PHACTR1: variants seen among roughly 807,000 people sequenced by gnomAD.
PHACTR1 encodes the protein phosphatase and actin regulator 1, also known as RPEL repeat containing 1.
PHACTR1 carries 16 observed loss-of-function variants against 69.2 expected under a neutral mutation model. The observed-to-expected ratio is 0.23, with a 90% CI of 0.16 to 0.35. The LOEUF is 0.35. Among genes scored for constraint, PHACTR1 ranks in the 10% least tolerant of loss-of-function variants. PHACTR1 has a pLI of 1.00. For missense variants in PHACTR1, 510 were observed against 734.7 expected, an observed-to-expected ratio of 0.69 and a Z score of 3.54; for synonymous variants, 312 against 284.5, an observed-to-expected ratio of 1.10 and a Z score of -0.97.
At chr6:13,013,881 G>A (rs1425652430) in intron 4 of PHACTR1, among the ~76,000 whole-genome samples, 1 of 148,996 alleles carries the variant, frequency 6.7e-6, no homozygotes, top group Non-Finnish European at 1.5e-5. Context: ...GGCGCCCGGG[G>A]GCCGGATGGC....
chr6:12,984,068 G>A (rs1795841786), intron 4 of PHACTR1, among the ~76,000 whole-genome samples: 1 of 152,150 alleles, frequency 6.6e-6, no homozygotes, highest in African/African-American at 2.4e-5. Flanking sequence ...ACCCAGTAAT[G>A]GGATGGCTGG....
intron 4 of PHACTR1, among the ~76,000 whole-genome samples, chr6:12,960,713 C>A (rs1056939474): frequency 6.6e-6 from 1 of 152,140 alleles, no homozygotes; most frequent in Non-Finnish European, 1.5e-5. Context: ...TGTGATTCTG[C>A]CCTTTTCTCA....
chr6:13,121,859 A>C (rs1818789935), intron 5 of PHACTR1, among the ~76,000 whole-genome samples: 1 of 152,220 alleles, frequency 6.6e-6, no homozygotes, highest in African/African-American at 2.4e-5. Context: ...ACAGTGAATC[A>C]GTTTGGGAAT....
At chr6:12,931,255 A>T (rs1788838757) in intron 4 of PHACTR1, among the ~76,000 whole-genome samples, 1 of 149,512 alleles carries the variant, frequency 6.7e-6, no homozygotes, top group South Asian at 2.1e-4. Context: ...AGGTAAAGGA[A>T]GTTTGGGGAA....
Position 12,904,265 on chromosome 6 carries a change from C to T in PHACTR1, c.251-149100C>T, listed in dbSNP as rs181572144. ...TCTCTTTTATAGAAACTACTCATTA[C>T]GGCCGGGTGCAGTGGCTCATGCCTG... On this transcript the variant is annotated intron_variant, in intron 4 of 14. Transcript: ENST00000332995. 5.3e-5 allele frequency among the ~76,000 whole-genome samples: 8 copies of T among 152,174 alleles called. No homozygotes were observed. The East Asian group carries it at 7.7e-4, about 15-fold the overall frequency.
intron 4 of PHACTR1, among the ~76,000 whole-genome samples, chr6:12,953,601 A>G (rs1237232896): frequency 6.6e-6 from 1 of 152,236 alleles, no homozygotes; most frequent in Non-Finnish European, 1.5e-5. Flanking sequence ...TGAAAGAATG[A>G]AACTGTATTC....
chr6:13,090,645 T>C (rs1274710228), intron 5 of PHACTR1, among the ~76,000 whole-genome samples: 1 of 152,172 alleles, frequency 6.6e-6, no homozygotes, highest in Non-Finnish European at 1.5e-5. Flanking sequence ...TTTTTATCCC[T>C]GCAAGTTTCC....
intron 4 of PHACTR1, among the ~76,000 whole-genome samples, chr6:12,889,321 A>G (rs1481311124): frequency 6.6e-6 from 1 of 152,202 alleles, no homozygotes; most frequent in Non-Finnish European, 1.5e-5. Flanking sequence ...TCCCACAGAC[A>G]AGGGTGAGAG....
At chr6:12,890,780 G>C (rs1784098652) in intron 4 of PHACTR1, among the ~76,000 whole-genome samples, 1 of 152,008 alleles carries the variant, frequency 6.6e-6, no homozygotes, top group African/African-American at 2.4e-5. Flanking sequence ...CCACACTTCT[G>C]GTCCTTCCAA....
chr6:13,281,077 C>G (rs1489390366), intron 12 of PHACTR1: 2 of 1,289,504 alleles, frequency 1.6e-6, no homozygotes, highest in African/African-American at 3.0e-5. Context: ...AGACGGTGTC[C>G]AAGGCCCCGC....
rs944959659 is a variant in PHACTR1, at chr6:13,187,204, A to G, written c.664+4518A>G. On this transcript the variant is annotated intron_variant, in intron 7 of 14. Coordinates refer to ENST00000332995, the MANE Select transcript of PHACTR1 (RefSeq NM_030948.6). ...TTCCTAATAGGCCGCGGACCAGTAC[A>G]GGTTCATGGCCCTGGTGGTTGGGGA... Among the ~76,000 whole-genome samples the G allele has an allele frequency of 4.6e-5, 7 of 152,308 alleles. No homozygotes were observed. In the East Asian group the frequency reaches 1.3e-3, roughly 29 times the overall value.
At chr6:13,228,922 G>A (rs1770289257) in intron 9 of PHACTR1, among the ~76,000 whole-genome samples, 1 of 152,208 alleles carries the variant, frequency 6.6e-6, no homozygotes. Context: ...ACTCAATCAA[G>A]CCCAAAGCCA....
chr6:12,790,669 A>G (rs1772157764), intron 4 of PHACTR1, among the ~76,000 whole-genome samples: 1 of 152,214 alleles, frequency 6.6e-6, no homozygotes, highest in African/African-American at 2.4e-5. Flanking sequence ...AATTTATGGA[A>G]AAGAGGATAT....
chr6:12,940,569 G>A (rs1789956232), intron 4 of PHACTR1, among the ~76,000 whole-genome samples: 1 of 152,218 alleles, frequency 6.6e-6, no homozygotes, highest in African/African-American at 2.4e-5. Context: ...GGAGGTGGAA[G>A]TCCTCATGGA....
At chr6:12,909,784 T>C (rs1390190630) in intron 4 of PHACTR1, among the ~76,000 whole-genome samples, 29 of 152,202 alleles carry the variant, frequency 1.9e-4, no homozygotes, top group Admixed American at 1.9e-3. Context: ...ATCGGCAGCA[T>C]TCCCTTGGAC....
At chr6:13,021,490 C>T (rs143389649) in intron 4 of PHACTR1, among the ~76,000 whole-genome samples, 79 of 152,284 alleles carry the variant, frequency 5.2e-4, no homozygotes, top group South Asian at 1.0e-3. Flanking sequence ...AACATTCATG[C>T]GCGAGCTTTA....
chr6:13,265,093 C>T (rs1457984351), intron 10 of PHACTR1: 2 of 152,156 alleles, frequency 1.3e-5, no homozygotes, highest in African/African-American at 4.8e-5. Flanking sequence ...ACTTCTACTT[C>T]TCTCACCCGC....
intron 5 of PHACTR1, among the ~76,000 whole-genome samples, chr6:13,111,696 A>G (rs192759283): frequency 1.3e-5 from 2 of 152,344 alleles, no homozygotes; most frequent in South Asian, 2.1e-4. Context: ...AGTTAAATCA[A>G]TAATGCGTGT....
intron 3 of PHACTR1, among the ~76,000 whole-genome samples, chr6:12,749,259 G>C (rs1203094668): frequency 6.6e-6 from 1 of 152,242 alleles, no homozygotes; most frequent in Non-Finnish European, 1.5e-5. Flanking sequence ...CCTTTCGCAA[G>C]AGCCTATCTG....
Sources: allele counts gnomAD v4.1 joint callset (sites outside exome capture counted in the v4.1 genomes callset), GRCh38; gene constraint gnomAD v4.1.1; transcripts MANE v1.5; gene names NCBI Gene and HGNC (gene_info 2026-07-23, HGNC 2026-07-21).